Variants in MACROD2 observed in about 807,000 individuals in gnomAD.
MACROD2 encodes the protein ADP-ribose glycohydrolase MACROD2.
A neutral mutation model predicts 70.4 loss-of-function variants in MACROD2; 36 were observed. The observed-to-expected ratio is 0.51, with a 90% CI of 0.39 to 0.68. The LOEUF is 0.68. Ranked by LOEUF, MACROD2 falls within the 30% of genes least tolerant of loss-of-function variation. The pLI is 0.00. For synonymous variants in MACROD2, 172 were observed against 178.8 expected, an observed-to-expected ratio of 0.96 and a Z score of 0.30; for missense variants, 496 against 538.4, an observed-to-expected ratio of 0.92 and a Z score of 0.78.
intron 8 of MACROD2, among the ~76,000 whole-genome samples, chr20:15,718,665 A>G (rs1193296570): frequency 6.6e-6 from 1 of 152,202 alleles, no homozygotes; most frequent in Non-Finnish European, 1.5e-5. Flanking sequence ...GGTAGGAAGT[A>G]CTGTTTTTCA....
intron 5 of MACROD2, among the ~76,000 whole-genome samples, chr20:15,210,909 T>C (rs2076757919): frequency 2.0e-5 from 3 of 152,232 alleles, no homozygotes; most frequent in African/African-American, 4.8e-5. Context: ...ACCACTTTTC[T>C]TTATAAGTTA....
At chr20:14,034,401 A>T (rs1179520119) in intron 2 of MACROD2, among the ~76,000 whole-genome samples, 2 of 152,194 alleles carry the variant, frequency 1.3e-5, no homozygotes, top group African/African-American at 4.8e-5. Flanking sequence ...TGTAACTAAT[A>T]CAGTATGTTC....
intron 5 of MACROD2, among the ~76,000 whole-genome samples, chr20:15,186,647 G>C (rs889199710): frequency 1.8e-4 from 28 of 152,188 alleles, no homozygotes; most frequent in African/African-American, 6.3e-4. Context: ...TCAAAATCCT[G>C]GACCCATGAA....
intron 6 of MACROD2, among the ~76,000 whole-genome samples, chr20:15,335,818 T>A (rs1260691267): frequency 6.6e-6 from 1 of 151,604 alleles, no homozygotes; most frequent in Non-Finnish European, 1.5e-5. Context: ...TGCACAAAAG[T>A]TGTTGATGCC....
intron 5 of MACROD2, among the ~76,000 whole-genome samples, chr20:14,705,364 G>C (rs759453724): frequency 6.6e-6 from 1 of 151,866 alleles, no homozygotes; most frequent in East Asian, 1.9e-4. Flanking sequence ...AAAAAATAAT[G>C]CCCCTCTATG....
intron 4 of MACROD2, among the ~76,000 whole-genome samples, chr20:14,549,363 T>C (rs1418507067): frequency 6.6e-6 from 1 of 152,218 alleles, no homozygotes; most frequent in South Asian, 2.1e-4. Context: ...GACCTAAGAA[T>C]AAATACTGTA....
chr20:14,690,450 T>C (rs2071050261), intron 5 of MACROD2, among the ~76,000 whole-genome samples: 1 of 152,242 alleles, frequency 6.6e-6, no homozygotes, highest in African/African-American at 2.4e-5. Flanking sequence ...GCTTAAAATG[T>C]ACTGTTGATA....
chr20:14,959,063 T>G (rs2074561303), intron 5 of MACROD2, among the ~76,000 whole-genome samples: 1 of 152,080 alleles, frequency 6.6e-6, no homozygotes. Flanking sequence ...ATTCAAAAGG[T>G]GAAAAGTATA....
intron 4 of MACROD2, among the ~76,000 whole-genome samples, chr20:14,568,360 G>T (rs1246823073): frequency 6.6e-6 from 1 of 151,966 alleles, no homozygotes; most frequent in African/African-American, 2.4e-5. Flanking sequence ...GCATGACATG[G>T]CAATTTGTCG....
At chr20:14,117,981 G>GGGTC (rs2054536340) in intron 3 of MACROD2, among the ~76,000 whole-genome samples, 1 of 152,092 alleles carries the variant, frequency 6.6e-6, no homozygotes, top group African/African-American at 2.4e-5. Flanking sequence ...TTATCAGGAT[G>GGGTC]GGTCTGACTC....
chr20:14,353,504 T>G (rs1005060630), intron 3 of MACROD2, among the ~76,000 whole-genome samples: 2 of 152,216 alleles, frequency 1.3e-5, no homozygotes, highest in Middle Eastern at 3.4e-3. Flanking sequence ...CTATACTAGA[T>G]ATTGCAAAAT....
At chr20:15,145,214 C>T (rs1019088449) in intron 5 of MACROD2, among the ~76,000 whole-genome samples, 2 of 152,106 alleles carry the variant, frequency 1.3e-5, no homozygotes, top group South Asian at 4.1e-4. Context: ...CAACGCTATG[C>T]TTCCTCATAC....
At chr20:14,185,505 T>G (rs1220961200) in intron 3 of MACROD2, among the ~76,000 whole-genome samples, 1 of 152,166 alleles carries the variant, frequency 6.6e-6, no homozygotes, top group Non-Finnish European at 1.5e-5. Context: ...TTATTGAAAG[T>G]TCATTGTGTG....
At chr20:14,423,312 T>A (rs2083895699) in intron 3 of MACROD2, among the ~76,000 whole-genome samples, 1 of 151,926 alleles carries the variant, frequency 6.6e-6, no homozygotes, top group South Asian at 2.1e-4. Flanking sequence ...AACTTTTGAG[T>A]TTTTTTCACA....
intron 6 of MACROD2, among the ~76,000 whole-genome samples, chr20:15,293,750 G>C (rs890481916): frequency 3.9e-5 from 6 of 152,162 alleles, no homozygotes; most frequent in Non-Finnish European, 7.3e-5. Context: ...GAGGCCAAGA[G>C]GGCCAAATCT....
At chr20:14,512,171 C>G (rs1433266738) in intron 4 of MACROD2, among the ~76,000 whole-genome samples, 4 of 152,112 alleles carry the variant, frequency 2.6e-5, no homozygotes, top group Admixed American at 6.6e-5. Context: ...GGCAAATTTT[C>G]TTTTCCAAAA....
chr20:14,646,995 C>T (rs923188056), intron 4 of MACROD2, among the ~76,000 whole-genome samples: 1 of 152,048 alleles, frequency 6.6e-6, no homozygotes, highest in Admixed American at 6.6e-5. Flanking sequence ...ATATTTGCTG[C>T]CGACCTTCTT....
At chr20:14,904,756 G>T (rs906797420) in intron 5 of MACROD2, among the ~76,000 whole-genome samples, 2 of 152,128 alleles carry the variant, frequency 1.3e-5, no homozygotes, top group African/African-American at 4.8e-5. Context: ...ATTATTATAA[G>T]TAATAAAATG....
chr20:14,253,654 T>A, intron 3 of MACROD2, among the ~76,000 whole-genome samples: 1 of 152,108 alleles, frequency 6.6e-6, no homozygotes, highest in East Asian at 1.9e-4. Context: ...TCAAGTACAA[T>A]GCTTTTGATC....
Sources: gnomAD v4.1 joint callset for allele counts (sites outside exome capture counted in the v4.1 genomes callset) on GRCh38, gnomAD v4.1.1 for gene constraint, MANE v1.5 for transcripts, NCBI Gene and HGNC (gene_info 2026-07-23, HGNC 2026-07-21) for gene names.